Variants in HEATR3 observed in about 807,000 individuals in gnomAD.
HEATR3 encodes HEAT repeat-containing protein 3.
HEATR3 carries 56 observed loss-of-function variants against 72.8 expected under a neutral mutation model. That is an observed-to-expected ratio of 0.77 (90% CI 0.62 to 0.96). HEATR3 has a LOEUF of 0.96. Among genes scored for constraint, HEATR3 ranks in the 40% least tolerant of loss-of-function variants. HEATR3 has a pLI of 0.00. For synonymous variants in HEATR3, 331 were observed against 318.1 expected (o/e 1.04, Z -0.43); for missense variants, 747 against 831.4 (o/e 0.90, Z 1.25).
At chr16:50,095,078 T>C (rs769407301) in intron 12 of HEATR3, among the ~76,000 whole-genome samples, 15 of 152,118 alleles carry the variant, frequency 9.9e-5, no homozygotes, top group Admixed American at 2.0e-4. Context: ...TTGATAGATA[T>C]GTTGTAAATA....
chr16:50,084,097 A>G (rs752786700), intron 8 of HEATR3, 37 bp from the exon 9 acceptor site: 3 of 1,614,070 alleles, frequency 1.9e-6, no homozygotes, highest in Non-Finnish European at 2.5e-6. Context: ...AGATTTTCTT[A>G]ACTATTCCAG....
chr16:50,072,808 T>G lies in HEATR3; in HGVS notation c.622+94T>G, dbSNP rs183463963. The G allele has an allele frequency of 3.9e-6, 3 of 778,132 alleles. No homozygotes were observed. In the Admixed American group the frequency reaches 6.5e-5, roughly 17 times the overall value. The allele number at this position is 778,132 out of a possible 1,614,324, so 48.2% of individuals were successfully genotyped here. On this transcript the variant is annotated intron_variant, in intron 5 of 14. Transcript: ENST00000299192. ...GGCGTGTTTATTCCACTGGAGTGAT[T>G]TTTTGTTTCGTTGTATGTGAATGTG...
chr16:50,099,975 C>T (rs1246793716), intron 12 of HEATR3, among the ~76,000 whole-genome samples: 1 of 152,140 alleles, frequency 6.6e-6, no homozygotes, highest in African/African-American at 2.4e-5. Context: ...GAATGAAAGT[C>T]TTCATCAAAT....
At chr16:50,070,932 C>T (rs746082897) in intron 4 of HEATR3, among the ~76,000 whole-genome samples, 1 of 152,146 alleles carries the variant, frequency 6.6e-6, no homozygotes, top group Non-Finnish European at 1.5e-5. Context: ...CTGGTCAGTC[C>T]CACATGCAGG....
intron 4 of HEATR3, among the ~76,000 whole-genome samples, chr16:50,071,024 C>T (rs770055187): frequency 1.6e-4 from 24 of 152,140 alleles, no homozygotes; most frequent in Non-Finnish European, 2.9e-4. Context: ...CTGGCACTTA[C>T]TGTCTGATTG....
At chr16:50,068,900 T>C (rs751277668) in intron 3 of HEATR3, 33 bp downstream of exon 3, 3 of 1,512,404 alleles carry the variant, frequency 2.0e-6, no homozygotes, top group Middle Eastern at 3.4e-4. Flanking sequence ...TGATGGTAGC[T>C]TTTGGGATGC....
chr16:50,090,476 C>CT (rs1463799619), intron 11 of HEATR3, among the ~76,000 whole-genome samples: 1 of 152,136 alleles, frequency 6.6e-6, no homozygotes, highest in Admixed American at 6.5e-5. Flanking sequence ...AATTTTAATG[C>CT]TAAATACAGT....
intron 11 of HEATR3, among the ~76,000 whole-genome samples, chr16:50,092,416 T>C (rs900453238): frequency 1.7e-5 from 2 of 117,718 alleles, no homozygotes; most frequent in African/African-American, 3.1e-5. Flanking sequence ...TTCCAGGTCA[T>C]TCTTTTTTTT....
chr16:50,087,363 A>C (rs780436911), intron 11 of HEATR3, among the ~76,000 whole-genome samples: 31 of 152,184 alleles, frequency 2.0e-4, no homozygotes, highest in Non-Finnish European at 4.1e-4. Context: ...AGTTAAATTA[A>C]ATATTCTTTT....
At chr16:50,100,760 C>T in intron 13 of HEATR3, 1 of 223,480 alleles carries the variant, frequency 4.5e-6, no homozygotes, top group Non-Finnish European at 8.7e-6. Flanking sequence ...GCACACCAGG[C>T]AACATGCATT....
chr16:50,073,802 G>C (rs575019186), intron 5 of HEATR3: 1 of 152,062 alleles, frequency 6.6e-6, no homozygotes, highest in Non-Finnish European at 1.5e-5. Flanking sequence ...GAGCGTTTTT[G>C]AAATGGATTA....
intron 7 of HEATR3, among the ~76,000 whole-genome samples, chr16:50,079,310 C>G (rs1039370133): frequency 3.9e-5 from 6 of 152,236 alleles, no homozygotes; most frequent in African/African-American, 1.4e-4. Context: ...CTTCGTAACT[C>G]TTGCTTCTCC....
rs1487723371 is a variant in HEATR3, at chr16:50,066,160, A to G, written c.29A>G (p.Lys10Arg). The change falls in exon 1 of 15, where the codon AAG becomes AGG. Residue 10 changes from lysine (K) to arginine (R), a missense_variant. Physicochemically the swap from Lys to Arg is conservative, Grantham distance 26. This residue lies in a region of HEATR3 where 161 missense variants were observed against 122.6 expected (regional missense o/e 1.31). Coordinates refer to ENST00000299192, the MANE Select transcript of HEATR3 (RefSeq NM_182922.4). Reference protein sequence around the residue: MGKSRTKRFKRPQFSPTGDC... With the variant: MGKSRTKRFRRPQFSPTGDC... ...GGCAAGAGCCGGACGAAGCGCTTCA[A>G]GCGACCTCAGTTCTCCCCTACGGGC... 2.9e-5 allele frequency: 46 copies of G among 1,596,874 alleles called. No individual in the cohort carries two copies. Among genetic ancestry groups the G allele is most frequent in the Admixed American group, 8.7e-5 (5 of 57,644 alleles).
At chr16:50,083,826 G>A in intron 7 of HEATR3, 111 bp from the exon 8 acceptor site, 2 of 841,248 alleles carry the variant, frequency 2.4e-6, no homozygotes, top group Non-Finnish European at 3.7e-6. Context: ...TTCCCCGTGT[G>A]CTCTATTCCA....
intron 5 of HEATR3, 62 bp from the exon 6 acceptor site, chr16:50,075,509 C>G: frequency 2.1e-6 from 3 of 1,439,378 alleles, no homozygotes; most frequent in Non-Finnish European, 2.9e-6. Flanking sequence ...ATGAGTTATA[C>G]TGGTGTAAAT....
chr16:50,086,783 T>C (rs2036997114), intron 11 of HEATR3, among the ~76,000 whole-genome samples: 1 of 151,978 alleles, frequency 6.6e-6, no homozygotes, highest in Non-Finnish European at 1.5e-5. Context: ...AAACTTTAAC[T>C]GGGCGTGGTG....
chr16:50,091,699 G>A (rs962736686), intron 11 of HEATR3, among the ~76,000 whole-genome samples: 34 of 151,544 alleles, frequency 2.2e-4, no homozygotes, highest in African/African-American at 7.0e-4. Flanking sequence ...GTGAAACCCC[G>A]TCTCTACTAA....
chr16:50,066,825 T>G, intron 2 of HEATR3: 1 of 343,648 alleles, frequency 2.9e-6, no homozygotes. Context: ...TTAGGGTCCC[T>G]TGCTTGGATG....
intron 7 of HEATR3, among the ~76,000 whole-genome samples, chr16:50,082,100 G>A (rs527730455): frequency 3.9e-5 from 6 of 152,234 alleles, no homozygotes; most frequent in Admixed American, 3.9e-4. Flanking sequence ...CCAGCACTTG[G>A]GGAGGCCAGG....
Sources: gnomAD v4.1 joint callset for allele counts (sites outside exome capture counted in the v4.1 genomes callset) on GRCh38, gnomAD v4.1.1 for gene constraint, gnomAD v4.1.1 regional missense constraint, MANE v1.5 for transcripts, NCBI Gene and HGNC (gene_info 2026-07-23, HGNC 2026-07-21) for gene names.